The following CLDN10 variants were observed in gnomAD, a reference collection of about 807,000 sequenced individuals.
CLDN10 encodes claudin-10.
CLDN10 carries 15 observed loss-of-function variants against 22.9 expected under a neutral mutation model. The observed-to-expected ratio is 0.65, with a 90% CI of 0.44 to 1.01. The LOEUF (loss-of-function observed/expected upper bound fraction) is 1.01, where lower values mean the gene tolerates loss of function less well. CLDN10 is among the 50% of genes least tolerant of loss of function. CLDN10 has a pLI of 0.00. For synonymous variants in CLDN10, 114 were observed against 111.4 expected, an observed-to-expected ratio of 1.02 and a Z score of -0.15; for missense variants, 247 against 287.8, an observed-to-expected ratio of 0.86 and a Z score of 1.03.
intron 1 of CLDN10, among the ~76,000 whole-genome samples, chr13:95,497,999 A>G (rs1318736893): frequency 1.3e-5 from 2 of 152,254 alleles, no homozygotes; most frequent in African/African-American, 4.8e-5. Context: ...AGATGATTTT[A>G]AAAAGCAAAC....
At chr13:95,516,043 C>A (rs1015916308) in intron 1 of CLDN10, among the ~76,000 whole-genome samples, 1 of 151,016 alleles carries the variant, frequency 6.6e-6, no homozygotes, top group Non-Finnish European at 1.5e-5. Context: ...CACTGCACTC[C>A]AGCCTGGGTG....
At chr13:95,521,688 C>A (rs1268462446) in intron 1 of CLDN10, among the ~76,000 whole-genome samples, 2 of 151,974 alleles carry the variant, frequency 1.3e-5, no homozygotes, top group Non-Finnish European at 2.9e-5. Flanking sequence ...TCAAAATATA[C>A]CAGCTTCATA....
At chr13:95,478,590 G>A (rs1450547720) in intron 1 of CLDN10, among the ~76,000 whole-genome samples, 3 of 152,152 alleles carry the variant, frequency 2.0e-5, no homozygotes, top group Non-Finnish European at 4.4e-5. Context: ...GGTGAACAGG[G>A]AGGGTGCGCC....
intron 1 of CLDN10, among the ~76,000 whole-genome samples, chr13:95,493,393 T>C (rs540295643): frequency 3.0e-4 from 46 of 152,148 alleles, no homozygotes; most frequent in African/African-American, 1.0e-3. Flanking sequence ...TATGCAACCA[T>C]CACCACCACC....
upstream of CLDN10, among the ~76,000 whole-genome samples, chr13:95,551,736 C>G (rs1026655920): frequency 6.6e-6 from 1 of 152,170 alleles, no homozygotes; most frequent in Non-Finnish European, 1.5e-5. Context: ...AATAATAACC[C>G]GTGTCCTTGT....
chr13:95,530,056 T>C (rs191594916), intron 1 of CLDN10, among the ~76,000 whole-genome samples: 1 of 152,262 alleles, frequency 6.6e-6, no homozygotes, highest in Admixed American at 6.5e-5. Context: ...ACCACATGCA[T>C]ATAATGCTTT....
At chr13:95,490,515 G>A (rs1167947183) in intron 1 of CLDN10, among the ~76,000 whole-genome samples, 1 of 152,100 alleles carries the variant, frequency 6.6e-6, no homozygotes, top group Non-Finnish European at 1.5e-5. Flanking sequence ...TCTTGATTTT[G>A]TTTTTGACCC....
chr13:95,568,439 A>G (rs1467649), intron 3 of CLDN10, among the ~76,000 whole-genome samples: 150,520 of 152,166 alleles, frequency 0.99, 74,470 homozygotes, highest in Middle Eastern at 1. Context: ...TGACCAGTGC[A>G]TGACATCATG....
chr13:95,535,313 G>T (rs908798884), intron 1 of CLDN10, among the ~76,000 whole-genome samples: 1 of 152,108 alleles, frequency 6.6e-6, no homozygotes, highest in East Asian at 1.9e-4. Context: ...GAGCCCTGGG[G>T]CAGGAAGACC....
intron 1 of CLDN10, among the ~76,000 whole-genome samples, chr13:95,540,603 T>A (rs2043450186): frequency 6.6e-6 from 1 of 152,242 alleles, no homozygotes. Flanking sequence ...TATGCATTCT[T>A]TGAAAATATC....
chr13:95,467,685 G>T (rs111687217), intron 1 of CLDN10, among the ~76,000 whole-genome samples: 2,352 of 152,246 alleles, frequency 0.015, 71 homozygotes, highest in African/African-American at 0.053. Flanking sequence ...GAGAAAGAAG[G>T]ATTTATTACA....
At chr13:95,457,095 C>T (rs2042489034) in intron 1 of CLDN10, among the ~76,000 whole-genome samples, 1 of 152,168 alleles carries the variant, frequency 6.6e-6, no homozygotes, top group Non-Finnish European at 1.5e-5. Context: ...TTCCTGTGAT[C>T]CAGAAGCATT....
intron 1 of CLDN10, among the ~76,000 whole-genome samples, chr13:95,519,935 C>T (rs890365313): frequency 2.6e-5 from 4 of 152,168 alleles, no homozygotes; most frequent in Admixed American, 1.3e-4. Flanking sequence ...ATATGAAAAG[C>T]GTATGAAAAT....
intron 1 of CLDN10, among the ~76,000 whole-genome samples, chr13:95,436,200 T>C (rs2042269791): frequency 6.6e-6 from 1 of 152,192 alleles, no homozygotes; most frequent in South Asian, 2.1e-4. Flanking sequence ...TTTATTGTTT[T>C]TGAGACAGAA....
intron 1 of CLDN10, among the ~76,000 whole-genome samples, chr13:95,498,939 A>C (rs1480328617): frequency 1.3e-5 from 2 of 152,206 alleles, no homozygotes; most frequent in African/African-American, 4.8e-5. Context: ...TATGAATTTG[A>C]TGACTCTTGA....
intron 1 of CLDN10, among the ~76,000 whole-genome samples, chr13:95,515,850 G>A (rs1035494237): frequency 5.9e-5 from 9 of 152,088 alleles, no homozygotes; most frequent in Non-Finnish European, 1.2e-4. Context: ...CAGGCAGGTA[G>A]ATCACTTGAG....
intron 1 of CLDN10, among the ~76,000 whole-genome samples, chr13:95,454,213 G>A (rs1230530991): frequency 6.6e-6 from 1 of 152,138 alleles, no homozygotes; most frequent in Non-Finnish European, 1.5e-5. Flanking sequence ...GCTGAGGCGG[G>A]TGGATCACCT....
At chr13:95,451,260 C>A (rs2042429305) in intron 1 of CLDN10, among the ~76,000 whole-genome samples, 1 of 152,212 alleles carries the variant, frequency 6.6e-6, no homozygotes, top group African/African-American at 2.4e-5. Context: ...AGATTAACTT[C>A]TCCCTTCTCT....
intron 1 of CLDN10, among the ~76,000 whole-genome samples, chr13:95,446,515 C>T (rs1265643605): frequency 6.6e-6 from 1 of 152,168 alleles, no homozygotes; most frequent in African/African-American, 2.4e-5. Flanking sequence ...TAATGACATT[C>T]TATTTAAACC....
Sources: gnomAD v4.1 joint callset for allele counts (sites outside exome capture counted in the v4.1 genomes callset) on GRCh38, gnomAD v4.1.1 for gene constraint, MANE v1.5 for transcripts, NCBI Gene and HGNC (gene_info 2026-07-23, HGNC 2026-07-21) for gene names.